The following KCNH7 variants were observed in gnomAD, a reference collection of about 807,000 sequenced individuals.
KCNH7 encodes voltage-gated inwardly rectifying potassium channel KCNH7.
KCNH7 carries 49 observed loss-of-function variants against 120.8 expected under a neutral mutation model. The ratio of observed to expected loss-of-function variants is 0.41; its 90% CI spans 0.32 to 0.51. The LOEUF is 0.51. Ranked by LOEUF, KCNH7 falls within the 20% of genes least tolerant of loss-of-function variation. The pLI, the probability that KCNH7 is intolerant of heterozygous loss-of-function variation, is 0.38. For synonymous variants in KCNH7, 547 were observed against 516.1 expected (o/e 1.06, Z -0.81); for missense variants, 1,097 against 1,446.6 (o/e 0.76, Z 3.92).
chr2:162,814,428 C>T (rs1038105157), intron 2 of KCNH7, among the ~76,000 whole-genome samples: 1 of 152,114 alleles, frequency 6.6e-6, no homozygotes, highest in Non-Finnish European at 1.5e-5. Context: ...ATCAATGAGA[C>T]AAGGTGTGGA....
chr2:162,761,810 G>GA, intron 2 of KCNH7, among the ~76,000 whole-genome samples: 1 of 152,088 alleles, frequency 6.6e-6, no homozygotes, highest in Non-Finnish European at 1.5e-5. Context: ...AAGAGTGGAT[G>GA]GTGGTATTTG....
At chr2:162,610,506 T>C (rs1253085333) in intron 2 of KCNH7, among the ~76,000 whole-genome samples, 1 of 152,250 alleles carries the variant, frequency 6.6e-6, no homozygotes, top group South Asian at 2.1e-4. Flanking sequence ...TTTGTATGTG[T>C]ATTTCTGAAG....
chr2:162,382,914 G>T (rs566087700), intron 13 of KCNH7, among the ~76,000 whole-genome samples: 2 of 151,890 alleles, frequency 1.3e-5, no homozygotes, highest in East Asian at 3.9e-4. Context: ...TGCATATTTA[G>T]CTGTACATTT....
intron 2 of KCNH7, among the ~76,000 whole-genome samples, chr2:162,555,764 C>A (rs1044744776): frequency 5.3e-5 from 8 of 151,852 alleles, no homozygotes; most frequent in African/African-American, 1.9e-4. Context: ...AGATTAGCAG[C>A]CTTTTAGTGT....
At chr2:162,476,190 G>T (rs1689737864) in intron 6 of KCNH7, among the ~76,000 whole-genome samples, 1 of 152,084 alleles carries the variant, frequency 6.6e-6, no homozygotes, top group Admixed American at 6.6e-5. Flanking sequence ...CAGCTTTCTT[G>T]GTGAAACTTG....
At chr2:162,775,226 G>T (rs142005595) in intron 2 of KCNH7, among the ~76,000 whole-genome samples, 2,536 of 152,170 alleles carry the variant, frequency 0.017, 61 homozygotes, top group African/African-American at 0.053. Flanking sequence ...GATTGTGTTA[G>T]TCTGTGTTTC....
At chr2:162,500,390 A>C (rs1690645386) in intron 6 of KCNH7, among the ~76,000 whole-genome samples, 1 of 148,610 alleles carries the variant, frequency 6.7e-6, no homozygotes, top group Admixed American at 6.8e-5. Flanking sequence ...TATATAATAC[A>C]TGTCAATACA....
intron 3 of KCNH7, among the ~76,000 whole-genome samples, chr2:162,526,267 T>TAACAGGAC (rs1691701643): frequency 1.3e-5 from 2 of 151,868 alleles, no homozygotes; most frequent in South Asian, 4.1e-4. Context: ...CAGGGCAAGA[T>TAACAGGAC]CACAGGACCA....
intron 2 of KCNH7, among the ~76,000 whole-genome samples, chr2:162,636,892 G>C (rs1267063920): frequency 6.6e-6 from 1 of 152,020 alleles, no homozygotes; most frequent in African/African-American, 2.4e-5. Context: ...CAGTTTTACT[G>C]TCAACACTTT....
At chr2:162,399,833 T>C (rs1433845967) in intron 10 of KCNH7, among the ~76,000 whole-genome samples, 2 of 151,878 alleles carry the variant, frequency 1.3e-5, no homozygotes, top group Non-Finnish European at 2.9e-5. Flanking sequence ...CTACAACACA[T>C]ATATTTTATT....
intron 2 of KCNH7, among the ~76,000 whole-genome samples, chr2:162,596,272 C>T (rs1207211788): frequency 6.6e-6 from 1 of 151,962 alleles, no homozygotes; most frequent in East Asian, 1.9e-4. Flanking sequence ...AAAGGACAAA[C>T]TGAAGGCATT....
intron 3 of KCNH7, among the ~76,000 whole-genome samples, chr2:162,527,570 G>A (rs769505773): frequency 7.9e-5 from 12 of 151,944 alleles, no homozygotes; most frequent in Non-Finnish European, 1.0e-4. Context: ...AGAGTATTGA[G>A]TCCAAAGCAT....
At chr2:162,796,252 G>T (rs1383342457) in intron 2 of KCNH7, 3 of 151,852 alleles carry the variant, frequency 2.0e-5, no homozygotes, top group African/African-American at 7.3e-5. Context: ...CTGTAAAATG[G>T]CTTCCACAAT....
intron 6 of KCNH7, among the ~76,000 whole-genome samples, chr2:162,487,554 T>G (rs78993969): frequency 0.041 from 6,177 of 152,240 alleles, 174 homozygotes; most frequent in Non-Finnish European, 0.055. Flanking sequence ...CTGAGGAAGA[T>G]GATATCTAAG....
chr2:162,756,586 T>C (rs1559118335), intron 2 of KCNH7, among the ~76,000 whole-genome samples: 1 of 152,152 alleles, frequency 6.6e-6, no homozygotes, highest in Non-Finnish European at 1.5e-5. Flanking sequence ...CACCTCAGCT[T>C]CCTGAATAGC....
intron 2 of KCNH7, among the ~76,000 whole-genome samples, chr2:162,786,641 A>T (rs915694434): frequency 2.0e-5 from 3 of 151,780 alleles, no homozygotes; most frequent in African/African-American, 7.3e-5. Flanking sequence ...GTCTTCAATT[A>T]AAAAAAATTC....
chr2:162,721,437 G>T (rs1053714683), intron 2 of KCNH7, among the ~76,000 whole-genome samples: 1 of 152,048 alleles, frequency 6.6e-6, no homozygotes, highest in Non-Finnish European at 1.5e-5. Context: ...ATAAGTGAAA[G>T]ATACTAAAAG....
chr2:162,795,881 T>C (rs937418707), intron 2 of KCNH7: 5 of 152,082 alleles, frequency 3.3e-5, no homozygotes, highest in African/African-American at 1.2e-4. Flanking sequence ...ACATCCTATG[T>C]ACACAGAATT....
chr2:162,692,260 G>A (rs1304273444), intron 2 of KCNH7, among the ~76,000 whole-genome samples: 1 of 151,826 alleles, frequency 6.6e-6, no homozygotes, highest in Non-Finnish European at 1.5e-5. Context: ...CAAGTAGCTA[G>A]GACAATAGGC....
Sources: allele counts gnomAD v4.1 joint callset (sites outside exome capture counted in the v4.1 genomes callset), GRCh38; gene constraint gnomAD v4.1.1; transcripts MANE v1.5; gene names NCBI Gene and HGNC (gene_info 2026-07-23, HGNC 2026-07-21).